Variants in SEC14L3 observed in about 807,000 individuals in gnomAD.
The protein encoded by SEC14L3 is SEC14-like protein 3.
A neutral mutation model predicts 57.4 loss-of-function variants in SEC14L3; 56 were observed. That is an observed-to-expected ratio of 0.97 (90% CI 0.79 to 1.22). SEC14L3 has a LOEUF of 1.22. SEC14L3 is among the 50% of genes most tolerant of loss of function. SEC14L3 has a pLI of 0.00. For synonymous variants in SEC14L3, 173 were observed against 194.4 expected (o/e 0.89, Z 0.92); for missense variants, 485 against 511.7 (o/e 0.95, Z 0.50).
rs1935294556 is a variant in SEC14L3 at position 30,462,290 on chromosome 22, ATAGGAGG to A, written c.665-105_665-99del. On this transcript the variant is annotated intron_variant, in intron 8 of 11. Coordinates refer to ENST00000215812, the MANE Select transcript of SEC14L3 (RefSeq NM_174975.5). ...TGACCTGAACTGGGGGAGAAGCCCT[ATAGGAGG>A]TAGGCTGCCAGGACCAATTCCCCAG... The A allele has an allele frequency of 3.4e-6, 5 of 1,471,376 alleles. No individual in the cohort carries two copies. The South Asian group carries it at 4.3e-5, about 13-fold the overall frequency. 91.1% of individuals were successfully genotyped at this position (1,471,376 alleles called of 1,614,324 possible). A position where few individuals can be genotyped will look rare whatever the true frequency, so the allele number is the denominator to read the frequency against.
intron 5 of SEC14L3, 97 bp downstream of exon 5, chr22:30,468,407 TCTGA>T (rs1332024557): frequency 1.2e-6 from 1 of 830,952 alleles, no homozygotes; most frequent in African/African-American, 1.7e-5. Flanking sequence ...CCCAGAGCCC[TCTGA>T]CTGTGGTTGT....
intron 12 of SEC14L3, among the ~76,000 whole-genome samples, chr22:30,453,256 C>T (rs1294213707): frequency 6.6e-6 from 1 of 152,158 alleles, no homozygotes; most frequent in Non-Finnish European, 1.5e-5. Context: ...TTCTACAGTA[C>T]TCTCTAGGCA....
chr22:30,468,705 G>A lies in SEC14L3; in HGVS notation c.235-9C>T, dbSNP rs4820854. The A allele has an allele frequency of 0.62, 1,004,914 of 1,612,914 alleles. 319,498 individuals are homozygous for A. The highest frequency in any genetic ancestry group is 0.88 in the East Asian group (39,423 of 44,814). On this transcript the variant is annotated splice_polypyrimidine_tract_variant and intron_variant, in intron 4 of 11. Transcript: ENST00000215812. ...ATGTACTTCTGGATCACCTGGGCAT[G>A]AAAAGATGCACAGAACTTGGCATTA...
chr22:30,448,590 A>G (rs1359625763), exon 13 of SEC14L3: 1 of 150,156 alleles, frequency 6.7e-6, no homozygotes, highest in Non-Finnish European at 1.5e-5. Flanking sequence ...AAAAAAGCCC[A>G]GACCAGGAGT....
At chr22:30,455,807 G>A, downstream of SEC14L3, among the ~76,000 whole-genome samples, 1 of 152,214 alleles carries the variant, frequency 6.6e-6, no homozygotes. Context: ...ATGGCCTGTG[G>A]CCACCAACTC....
chr22:30,464,248 T>C (rs1309664556), intron 8 of SEC14L3, among the ~76,000 whole-genome samples: 2 of 152,140 alleles, frequency 1.3e-5, no homozygotes, highest in South Asian at 2.1e-4. Flanking sequence ...CTTATGAGTG[T>C]TGAAAAGAAA....
At chr22:30,457,331 G>T (rs1266720454), downstream of SEC14L3, among the ~76,000 whole-genome samples, 1 of 151,048 alleles carries the variant, frequency 6.6e-6, no homozygotes, top group African/African-American at 2.4e-5. Flanking sequence ...AAGATGCATA[G>T]GTCAATTTTA....
At chr22:30,451,645 A>G (rs1306037767) in intron 12 of SEC14L3, among the ~76,000 whole-genome samples, 4 of 152,158 alleles carry the variant, frequency 2.6e-5, no homozygotes, top group Admixed American at 1.3e-4. Flanking sequence ...ATAAGAAAAG[A>G]AACAGCTTGC....
chr22:30,451,572 T>G (rs1206332267), intron 12 of SEC14L3, among the ~76,000 whole-genome samples: 2 of 152,154 alleles, frequency 1.3e-5, no homozygotes, highest in Non-Finnish European at 1.5e-5. Context: ...AAGCTGAAAC[T>G]AAGACTGTGC....
chr22:30,452,862 T>C (rs1465367046), intron 12 of SEC14L3, among the ~76,000 whole-genome samples: 1 of 152,042 alleles, frequency 6.6e-6, no homozygotes, highest in African/African-American at 2.4e-5. Flanking sequence ...AACAGGTACA[T>C]GCCACCATGG....
downstream of SEC14L3, among the ~76,000 whole-genome samples, chr22:30,454,749 TATATATAATATATA>T (rs551460542): frequency 9.5e-5 from 8 of 84,400 alleles, no homozygotes; most frequent in Admixed American, 4.5e-4. Context: ...ATAATATTAT[TATATATAATATATA>T]ATATATAATA....
chr22:30,462,277 G>T, intron 8 of SEC14L3, 85 bp from the exon 9 acceptor site: 1 of 1,497,646 alleles, frequency 6.7e-7, no homozygotes. Flanking sequence ...ACCTGAACTG[G>T]GGGAGAAGCC....
chr22:30,466,254 G>T, intron 7 of SEC14L3, 80 bp downstream of exon 7: 1 of 1,369,010 alleles, frequency 7.3e-7, no homozygotes, highest in Non-Finnish European at 1.0e-6. Flanking sequence ...CAACAATCCT[G>T]GGACAAAGAC....
chr22:30,450,038 G>A (rs1019732728), intron 12 of SEC14L3, among the ~76,000 whole-genome samples: 22 of 152,248 alleles, frequency 1.4e-4, no homozygotes, highest in African/African-American at 4.3e-4. Flanking sequence ...CGCTACTGCT[G>A]TCCAGGTTCA....
chr22:30,462,862 G>C (rs946921716), intron 8 of SEC14L3, among the ~76,000 whole-genome samples: 7 of 151,696 alleles, frequency 4.6e-5, no homozygotes, highest in African/African-American at 1.7e-4. Context: ...TCAGCTTCTT[G>C]AGTATCTGGG....
At chr22:30,451,170 G>A (rs1404104844) in intron 12 of SEC14L3, among the ~76,000 whole-genome samples, 2 of 152,218 alleles carry the variant, frequency 1.3e-5, no homozygotes, top group African/African-American at 4.8e-5. Flanking sequence ...CGGGGGTGGC[G>A]CTGCTCTGGG....
intron 1 of SEC14L3, among the ~76,000 whole-genome samples, chr22:30,471,437 T>C (rs1935608209): frequency 6.6e-6 from 1 of 152,222 alleles, no homozygotes; most frequent in East Asian, 1.9e-4. Flanking sequence ...TTAATAATTA[T>C]ATGTCCTCTT....
chr22:30,458,988 G>A (rs1038070928), downstream of SEC14L3, among the ~76,000 whole-genome samples: 5 of 152,126 alleles, frequency 3.3e-5, no homozygotes, highest in East Asian at 1.9e-4. Context: ...CTGGGTGGGC[G>A]ACAGAGCGAG....
Position 30,459,988 on chromosome 22 carries a change from G to C in SEC14L3, c.*33C>G. 6.2e-7 allele frequency: 1 copy of C among 1,611,198 alleles called. No individual in the cohort carries two copies. Among genetic ancestry groups the C allele is most frequent in the Non-Finnish European group, 8.5e-7 (1 of 1,178,240 alleles). On this transcript the variant is annotated 3_prime_UTR_variant, in exon 12 of 12. Transcript: ENST00000215812. The stretch of plus-strand genomic sequence containing the variant: ...TAGGATATAAACAGAGAAATCAAAG[G>C]GTTAGGAGGTCTCTGAGAAATGAGG...
Sources: allele counts gnomAD v4.1 joint callset (sites outside exome capture counted in the v4.1 genomes callset), GRCh38; gene constraint gnomAD v4.1.1; transcripts MANE v1.5; gene names NCBI Gene and HGNC (gene_info 2026-07-23, HGNC 2026-07-21).